The following ZNF836 variants were observed in gnomAD, a reference collection of about 807,000 sequenced individuals.
ZNF836 encodes zinc finger protein 836.
In ZNF836, 12 loss-of-function variants were observed where a neutral mutation model predicts 7.4. The ratio of observed to expected loss-of-function variants is 1.61; its 90% CI spans 1.03 to 2.61. ZNF836 has a LOEUF of 2.61. Among genes scored for constraint, ZNF836 ranks in the 30% most tolerant of loss-of-function variants. The pLI is 0.00. For synonymous variants in ZNF836, 365 were observed against 382.6 expected, an observed-to-expected ratio of 0.95 and a Z score of 0.54; for missense variants, 998 against 1,126.2, an observed-to-expected ratio of 0.89 and a Z score of 1.63.
rs1219017927 is a variant in ZNF836 at position 52,155,845 on chromosome 19, T to C, written c.1838A>G (p.Asn613Ser). The change falls in exon 5 of 5, where the codon AAT becomes AGT. Residue 613 changes from asparagine to serine, a missense_variant. Physicochemically the swap from Asn to Ser is conservative, Grantham distance 46 (BLOSUM62 1). Transcript: ENST00000682614. ...GTCATTGAAGACCTTGCCACACACA[T>C]TACATTTGTAAGGTTTCTGCCCAGT... The part of the protein sequence containing the change: ...IHTGQKPYKC[N>S]VCGKVFNDSG... The C allele has an allele frequency of 6.2e-7, 1 of 1,613,906 alleles. No homozygotes were observed. Among genetic ancestry groups the C allele is most frequent in the South Asian group, 1.1e-5 (1 of 91,074 alleles).
Position 52,156,050 on chromosome 19 carries a change from AATGTCTTACAAGGC to A in ZNF836, c.1619_1632del (p.Cys540PhefsTer13). The A allele has an allele frequency of 6.2e-7, 1 of 1,614,000 alleles. No homozygotes were observed. Among genetic ancestry groups the A allele is most frequent in the African/African-American group, 1.3e-5 (1 of 75,046 alleles). ...GGTTGCTCCCCAGTATGAATTCTTA[AATGTCTTACAAGGC>A]ATGAATTTTCACTAAAGACCTTTCC... On this transcript the variant is annotated frameshift_variant, in exon 5 of 5. Transcript: ENST00000682614. LOFTEE classifies it low-confidence loss of function (END_TRUNC).
chr19:52,169,047 C>T (rs911732846), intron 2 of ZNF836, among the ~76,000 whole-genome samples: 3 of 152,098 alleles, frequency 2.0e-5, no homozygotes, highest in Non-Finnish European at 4.4e-5. Context: ...ACCGTGGTGT[C>T]TATACTGTAT....
At chr19:52,168,325 C>T (rs964128150) in intron 2 of ZNF836, among the ~76,000 whole-genome samples, 173 bp from the exon 3 acceptor site, 4 of 152,140 alleles carry the variant, frequency 2.6e-5, no homozygotes, top group South Asian at 2.1e-4. Context: ...TGGTGGCTCA[C>T]GCCTGTAATC....
rs372308657 is a variant in ZNF836, at chr19:52,156,988, C to A, written c.695G>T (p.Ser232Ile). The A allele has an allele frequency of 1.5e-5, 25 of 1,613,982 alleles. No homozygotes were observed. The highest frequency in any genetic ancestry group is 1.0e-4 in the Admixed American group (6 of 60,002). Residue 232 changes from serine to isoleucine, a missense_variant, in exon 5 of 5, where the codon AGT (serine) becomes ATT (isoleucine). Ser to Ile is a moderately radical substitution (Grantham distance 142). Coordinates refer to ENST00000682614, the MANE Select transcript of ZNF836 (RefSeq NM_001102657.3). The part of the protein sequence containing the change: ...GCGKAFRVSS[S>I]LINHQMVHTT... Reference sequence around the variant, plus strand: ...ATGTACCATCTGATGGTTAATAAGACTTGAAGACACTCTAAAGGCTTTGCC... The same window carrying A: ...ATGTACCATCTGATGGTTAATAAGAATTGAAGACACTCTAAAGGCTTTGCC...
intron 2 of ZNF836, among the ~76,000 whole-genome samples, chr19:52,168,762 A>C (rs1007910614): frequency 6.6e-6 from 1 of 152,072 alleles, no homozygotes; most frequent in African/African-American, 2.4e-5. Flanking sequence ...ACATGGATGA[A>C]CCATGCAATC....
In ZNF836 at chr19:52,169,795, G is replaced by GA. The variant is rs11438599; in HGVS notation, c.-214-15dup. On this transcript the variant is annotated splice_polypyrimidine_tract_variant and intron_variant, in intron 1 of 4. Coordinates refer to ENST00000682614, the MANE Select transcript of ZNF836 (RefSeq NM_001102657.3). The stretch of plus-strand genomic sequence containing the variant: ...CAGAGCAAGACCCTGTCTCAAAAAA[G>GA]AAAAAAAAAAAAAAAAGACATACCT... 2,966 of 75,596 alleles carry GA rather than the reference G, an allele frequency of 0.039. 83 individuals carry two copies. The highest frequency in any genetic ancestry group is 0.15 in the East Asian group (559 of 3,608). The allele number at this position is 75,596 out of a possible 1,614,324, so 4.7% of individuals were successfully genotyped here. A position where few individuals can be genotyped will look rare whatever the true frequency, so the allele number is the denominator to read the frequency against.
chr19:52,154,640 CAG>C lies in ZNF836; in HGVS notation c.*230_*231del, dbSNP rs1470132295. ...ACGCCACTGCATTCCAGCCTGGCGA[CAG>C]AGAGAGACTCCGTCTCAAAAAAGCA... On this transcript the variant is annotated 3_prime_UTR_variant, in exon 5 of 5. Transcript: ENST00000682614. 1.4e-5 allele frequency: 5 copies of C among 350,774 alleles called. No homozygotes were observed. The highest frequency in any genetic ancestry group is 2.6e-5 in the Non-Finnish European group (5 of 194,764). 21.7% of individuals were successfully genotyped at this position (350,774 alleles called of 1,614,324 possible). A position where few individuals can be genotyped will look rare whatever the true frequency, so the allele number is the denominator to read the frequency against.
In ZNF836 at chr19:52,155,849, A is replaced by C. The variant is rs777767141; in HGVS notation, c.1834T>G (p.Cys612Gly). Reference sequence around the variant, plus strand: ...TTGAAGACCTTGCCACACACATTACATTTGTAAGGTTTCTGCCCAGTATGA... The same window carrying C: ...TTGAAGACCTTGCCACACACATTACCTTTGTAAGGTTTCTGCCCAGTATGA... ...RIHTGQKPYK[C>G]NVCGKVFNDS... The change falls in exon 5 of 5, where the codon TGT becomes GGT. Residue 612 changes from cysteine to glycine, a missense_variant. Cys to Gly is a radical substitution (Grantham distance 159, BLOSUM62 -3). Transcript: ENST00000682614. The C allele has an allele frequency of 6.2e-7, 1 of 1,613,900 alleles. No homozygotes were observed. The highest frequency in any genetic ancestry group is 1.3e-5 in the African/African-American group (1 of 74,936).
chr19:52,167,792 T>C (rs2089278750), intron 3 of ZNF836, among the ~76,000 whole-genome samples: 1 of 152,144 alleles, frequency 6.6e-6, no homozygotes, highest in Non-Finnish European at 1.5e-5. Context: ...GCTCTGACAT[T>C]GTGGGGCCCA....
rs1167678887 is a variant in ZNF836, at chr19:52,157,148, G to C, written c.535C>G (p.Pro179Ala). The C allele has an allele frequency of 6.2e-7, 1 of 1,610,918 alleles. No individual in the cohort carries two copies. Among genetic ancestry groups the C allele is most frequent in the South Asian group, 1.1e-5 (1 of 91,016 alleles). The change falls in exon 5 of 5, where the codon CCA becomes GCA. Residue 179 changes from proline to alanine, a missense_variant. Pro to Ala is a conservative substitution (Grantham distance 27). Coordinates refer to ENST00000682614, the MANE Select transcript of ZNF836 (RefSeq NM_001102657.3). ...KTVNNSSLVS[P>A]LQRILPSVQT... Reference sequence around the variant, plus strand: ...ACACTAGGAAGAATTCTTTGAAGTGGTGAAACTAGGGAACTGTTATTAACT... The same window carrying C: ...ACACTAGGAAGAATTCTTTGAAGTGCTGAAACTAGGGAACTGTTATTAACT...
chr19:52,167,472 C>CA (rs1165727472), intron 3 of ZNF836, among the ~76,000 whole-genome samples: 23,597 of 44,172 alleles, frequency 0.53, 6,473 homozygotes, highest in Non-Finnish European at 0.63. Context: ...AACTCCGTCT[C>CA]AAAAAAAAAA....
Position 52,154,986 on chromosome 19 carries a change from G to C in ZNF836, c.2697C>G (p.Phe899Leu), listed in dbSNP as rs761433618. The C allele has an allele frequency of 1.2e-5, 19 of 1,611,414 alleles. No individual in the cohort carries two copies. Among genetic ancestry groups the C allele is most frequent in the Admixed American group, 1.0e-4 (6 of 59,678 alleles). ...PYKCNECGKS[F>L]ISRSGLTKHQ... ...GTTTAGTGAGGCCTGAGCGACTAAT[G>C]AAAGATTTGCCACACTCATTACATT... Residue 899 changes from phenylalanine to leucine, a missense_variant, in exon 5 of 5, where the codon TTC becomes TTG. Physicochemically the swap from Phe to Leu is conservative, Grantham distance 22. Coordinates refer to ENST00000682614, the MANE Select transcript of ZNF836 (RefSeq NM_001102657.3).
chr19:52,161,440 C>G lies in ZNF836; in HGVS notation c.16-849G>C, dbSNP rs895154426. ...GATGGTCTTGTTGCTGCACAGGGGA[C>G]GAATGCTGTTGTCCCCACATGGCAG... On this transcript the variant is annotated intron_variant, in intron 3 of 4. Coordinates refer to ENST00000682614, the MANE Select transcript of ZNF836 (RefSeq NM_001102657.3). This position sits in a 1 kb window ranked among gnomAD's most constrained non-coding sequence, Gnocchi z 4.1. 7.6e-6 allele frequency among the ~76,000 whole-genome samples: 1 copy of G among 130,866 alleles called. No individual in the cohort carries two copies. Among genetic ancestry groups the G allele is most frequent in the East Asian group, 2.9e-4 (1 of 3,452 alleles). 85.9% of individuals were successfully genotyped at this position (130,866 alleles called of 152,430 possible).
At chr19:52,158,965 G>C (rs184806226) in intron 4 of ZNF836, among the ~76,000 whole-genome samples, 2 of 152,210 alleles carry the variant, frequency 1.3e-5, no homozygotes, top group African/African-American at 4.8e-5. Context: ...AATTTGAGTA[G>C]ATGTGAAAAA....
rs753084462 is a variant in ZNF836, at chr19:52,155,015, A to T, written c.2668T>A (p.Tyr890Asn). The T allele has an allele frequency of 2.5e-6, 4 of 1,614,036 alleles. No individual in the cohort carries two copies. The South Asian group carries it at 4.4e-5, about 18-fold the overall frequency. The change falls in exon 5 of 5, where the codon TAT (tyrosine) becomes AAT (asparagine). Residue 890 changes from tyrosine (Y) to asparagine (N), a missense_variant. Physicochemically the swap from Tyr to Asn is moderately radical, Grantham distance 143 (BLOSUM62 -2). Coordinates refer to ENST00000682614, the MANE Select transcript of ZNF836 (RefSeq NM_001102657.3). ...GATTTGCCACACTCATTACATTTATAAGGTTTTTCTCCAGAATGAATCATT... is the reference window on the plus strand; with the variant it reads ...GATTTGCCACACTCATTACATTTATTAGGTTTTTCTCCAGAATGAATCATT... ...HQMIHSGEKP[Y>N]KCNECGKSFI...
Position 52,161,143 on chromosome 19 carries a change from C to T in ZNF836, c.16-552G>A, listed in dbSNP as rs983942497. Among the ~76,000 whole-genome samples the T allele has an allele frequency of 4.6e-5, 7 of 152,140 alleles. No individual in the cohort carries two copies. Among genetic ancestry groups the T allele is most frequent in the South Asian group, 2.1e-4 (1 of 4,826 alleles). On this transcript the variant is annotated intron_variant, in intron 3 of 4. Transcript: ENST00000682614. The surrounding 1 kb of genome is among the most constrained non-coding windows in gnomAD (Gnocchi z 4.1). ...TAGGAGACAACTATGTCACAGAAAA[C>T]GCTAAAAAGTCACCTAGGTCAACAA...
intron 3 of ZNF836, among the ~76,000 whole-genome samples, chr19:52,164,592 G>A (rs1169824764): frequency 6.6e-6 from 1 of 151,970 alleles, no homozygotes; most frequent in African/African-American, 2.4e-5. Context: ...GACAGAAGAA[G>A]GAATCAGTGA....
At chr19:52,167,908 A>G (rs1166397641) in intron 3 of ZNF836, 150 bp downstream of exon 3, 1 of 683,574 alleles carries the variant, frequency 1.5e-6, no homozygotes, top group Non-Finnish European at 2.6e-6. Context: ...TAGAAGCTAA[A>G]TGAGATGAGA....
chr19:52,155,131 T>C lies in ZNF836; in HGVS notation c.2552A>G (p.Tyr851Cys). 1 of 1,614,138 alleles carries C rather than the reference T, an allele frequency of 6.2e-7. No individual in the cohort carries two copies. The highest frequency in any genetic ancestry group is 8.5e-7 in the Non-Finnish European group (1 of 1,180,008). ...CTCTCCAGTGTGATTTCTTTGATGGTACACCAGCTTTGACCTTTCAATAAA... is the reference window on the plus strand; with the variant it reads ...CTCTCCAGTGTGATTTCTTTGATGGCACACCAGCTTTGACCTTTCAATAAA... Reference protein sequence around the residue: ...KAFIERSKLVYHQRNHTGEKP... With the variant: ...KAFIERSKLVCHQRNHTGEKP... The change falls in exon 5 of 5, where the codon TAC (tyrosine) becomes TGC (cysteine). Residue 851 changes from tyrosine (Y) to cysteine (C), a missense_variant. Transcript: ENST00000682614.
Sources: gnomAD v4.1 joint callset for allele counts (sites outside exome capture counted in the v4.1 genomes callset) on GRCh38, gnomAD v4.1.1 for gene constraint, Gnocchi (gnomAD v3.1) non-coding constraint, MANE v1.5 for transcripts, NCBI Gene and HGNC (gene_info 2026-07-23, HGNC 2026-07-21) for gene names.